The following ADARB2 variants were observed in gnomAD, a reference collection of about 807,000 sequenced individuals.
ADARB2 encodes adenosine deaminase RNA specific B2 (inactive).
In ADARB2, 25 loss-of-function variants were observed where a neutral mutation model predicts 62.2. That is an observed-to-expected ratio of 0.40 (90% CI 0.29 to 0.56). The LOEUF is 0.56. Ranked by LOEUF, ADARB2 falls within the 20% of genes least tolerant of loss-of-function variation. ADARB2 has a pLI of 0.43. For missense variants in ADARB2, 1,071 were observed against 1,077.4 expected, an observed-to-expected ratio of 0.99 and a Z score of 0.08; for synonymous variants, 572 against 500.8, an observed-to-expected ratio of 1.14 and a Z score of -1.90.
rs531014694 is a variant in ADARB2 at position 1,372,900 on chromosome 10, C to T, written c.187+6174G>A. Reference sequence around the variant, plus strand: ...GGGAACACTTGCTATGTTAGCTGCACGTCAGGATTCTTAGAAAGGTTTAGC... The same window carrying T: ...GGGAACACTTGCTATGTTAGCTGCATGTCAGGATTCTTAGAAAGGTTTAGC... On this transcript the variant is annotated intron_variant, in intron 2 of 9. Transcript: ENST00000381312. Among the ~76,000 whole-genome samples, 4 of 152,214 alleles carry T rather than the reference C, an allele frequency of 2.6e-5. 1 individual carries two copies. The highest frequency in any genetic ancestry group is 4.2e-4 in the South Asian group (2 of 4,816).
At chr10:1,576,166 G>A (rs1833018229) in intron 1 of ADARB2, among the ~76,000 whole-genome samples, 1 of 72,422 alleles carries the variant, frequency 1.4e-5, no homozygotes, top group Non-Finnish European at 2.9e-5. Flanking sequence ...ACAGGAGGGG[G>A]GTTCAGGGTC....
chr10:1,244,210 G>A (rs1830956003), intron 4 of ADARB2, among the ~76,000 whole-genome samples: 2 of 152,254 alleles, frequency 1.3e-5, no homozygotes, highest in South Asian at 4.1e-4. Flanking sequence ...CAGGCCGTCA[G>A]TGACATGTGG....
intron 6 of ADARB2, among the ~76,000 whole-genome samples, chr10:1,233,284 C>A (rs1327337573): frequency 1.3e-5 from 2 of 152,194 alleles, no homozygotes; most frequent in Non-Finnish European, 2.9e-5. Context: ...ATCACTCATC[C>A]CTGGCTTGGT....
chr10:1,407,803 C>T (rs562367373), intron 1 of ADARB2, among the ~76,000 whole-genome samples: 15 of 152,330 alleles, frequency 9.8e-5, no homozygotes, highest in East Asian at 1.9e-4. Flanking sequence ...TGCTCTCGCC[C>T]GGCCTCCATC....
At chr10:1,497,153 C>T (rs944103932) in intron 1 of ADARB2, among the ~76,000 whole-genome samples, 1 of 152,114 alleles carries the variant, frequency 6.6e-6, no homozygotes, top group African/African-American at 2.4e-5. Flanking sequence ...TAACACTTGA[C>T]TAAGAAGTTA....
chr10:1,473,525 G>A (rs530893336), intron 1 of ADARB2, among the ~76,000 whole-genome samples: 95 of 152,164 alleles, frequency 6.2e-4, no homozygotes, highest in South Asian at 1.7e-3. Flanking sequence ...GACTACAGAC[G>A]TGCCACCACC....
intron 3 of ADARB2, among the ~76,000 whole-genome samples, chr10:1,274,958 C>T (rs1383066716): frequency 6.6e-6 from 1 of 152,202 alleles, no homozygotes; most frequent in East Asian, 1.9e-4. Flanking sequence ...AGGCGGCTGG[C>T]ACCCCAAGAA....
intron 1 of ADARB2, among the ~76,000 whole-genome samples, chr10:1,392,592 G>A (rs1209267951): frequency 6.6e-6 from 1 of 152,132 alleles, no homozygotes; most frequent in Non-Finnish European, 1.5e-5. Context: ...CAAGGAGTTC[G>A]TCTCACAGGT....
At chr10:1,482,655 T>C (rs1831488491) in intron 1 of ADARB2, among the ~76,000 whole-genome samples, 1 of 152,188 alleles carries the variant, frequency 6.6e-6, no homozygotes, top group Non-Finnish European at 1.5e-5. Flanking sequence ...TAAAAAGTGG[T>C]AAATTTTGTA....
chr10:1,373,328 C>A (rs2820608), intron 2 of ADARB2, among the ~76,000 whole-genome samples: 20,245 of 151,412 alleles, frequency 0.13, 2,051 homozygotes, highest in East Asian at 0.47. Flanking sequence ...ACACACACAC[C>A]CACCCACACA....
At chr10:1,308,832 T>C (rs1831657437) in intron 3 of ADARB2, among the ~76,000 whole-genome samples, 1 of 152,242 alleles carries the variant, frequency 6.6e-6, no homozygotes, top group Non-Finnish European at 1.5e-5. Context: ...AAGGACAGGA[T>C]AAATAGAGCA....
intron 1 of ADARB2, among the ~76,000 whole-genome samples, chr10:1,564,608 A>G (rs28579559): frequency 6.6e-6 from 1 of 152,310 alleles, no homozygotes; most frequent in East Asian, 1.9e-4. Flanking sequence ...AAGGTCATGA[A>G]CAGACACTTC....
intron 4 of ADARB2, among the ~76,000 whole-genome samples, chr10:1,258,599 A>T (rs185570721): frequency 2.4e-3 from 367 of 152,332 alleles, no homozygotes; most frequent in Middle Eastern, 6.8e-3. Flanking sequence ...AGAAGAACTA[A>T]CTATTCTAAA....
chr10:1,249,433 C>T (rs1831015600), intron 4 of ADARB2, among the ~76,000 whole-genome samples: 1 of 145,208 alleles, frequency 6.9e-6, no homozygotes, highest in Non-Finnish European at 1.5e-5. Flanking sequence ...CAGAGCAAGA[C>T]CCTGTCTCAA....
chr10:1,344,210 C>G (rs926941625), intron 3 of ADARB2, among the ~76,000 whole-genome samples: 1 of 152,274 alleles, frequency 6.6e-6, no homozygotes, highest in Non-Finnish European at 1.5e-5. Context: ...CTACCGGCAT[C>G]CGATTTACTC....
intron 1 of ADARB2, among the ~76,000 whole-genome samples, chr10:1,396,695 T>C (rs1354384865): frequency 3.3e-4 from 26 of 78,910 alleles, no homozygotes; most frequent in South Asian, 1.9e-3. Context: ...TCACCGTCCG[T>C]CTCTCCCCTC....
chr10:1,407,964 A>G (rs1410904221), intron 1 of ADARB2, among the ~76,000 whole-genome samples: 1 of 152,266 alleles, frequency 6.6e-6, no homozygotes, highest in East Asian at 1.9e-4. Flanking sequence ...TATAGAAAAT[A>G]TAAAAATATA....
Position 1,426,990 on chromosome 10 carries a change from C to A in ADARB2, c.101-47830G>T, listed in dbSNP as rs928347807. ...TGTGTCGGCCCCACGCTTGGGCAGA[C>A]CACTGCAGGCACGTGTGTACTCCGC... is the stretch of plus-strand genomic sequence containing the variant. On this transcript the variant is annotated intron_variant, in intron 1 of 9. Coordinates refer to ENST00000381312, the MANE Select transcript of ADARB2 (RefSeq NM_018702.4). The surrounding 1 kb of genome is among the most constrained non-coding windows in gnomAD (Gnocchi z 4.1). Among the ~76,000 whole-genome samples the A allele has an allele frequency of 4.6e-5, 7 of 152,264 alleles. No homozygotes were observed. The highest frequency in any genetic ancestry group is 1.7e-4 in the African/African-American group (7 of 41,482).
chr10:1,196,906 C>G (rs1836918992), intron 8 of ADARB2, among the ~76,000 whole-genome samples: 3 of 152,180 alleles, frequency 2.0e-5, no homozygotes, highest in Admixed American at 2.0e-4. Context: ...TTAGCTAAGA[C>G]TGCCTTTTAG....
Sources: allele counts gnomAD v4.1 joint callset (sites outside exome capture counted in the v4.1 genomes callset), GRCh38; gene constraint gnomAD v4.1.1; non-coding constraint Gnocchi (gnomAD v3.1); transcripts MANE v1.5; gene names NCBI Gene and HGNC (gene_info 2026-07-23, HGNC 2026-07-21).